AGMO: variants seen among roughly 807,000 people sequenced by gnomAD.
AGMO encodes the protein alkylglycerol monooxygenase, also known as glyceryl-ether monooxygenase.
In AGMO, 75 loss-of-function variants were observed where a neutral mutation model predicts 60.2. That is an observed-to-expected ratio of 1.25 (90% CI 1.03 to 1.51). The LOEUF (loss-of-function observed/expected upper bound fraction) is 1.51, where lower values mean the gene tolerates loss of function less well. Among genes scored for constraint, AGMO ranks in the 40% most tolerant of loss-of-function variants. The pLI is 0.00. For synonymous variants in AGMO, 261 were observed against 177.1 expected, an observed-to-expected ratio of 1.47 and a Z score of -3.76; for missense variants, 763 against 525.5, an observed-to-expected ratio of 1.45 and a Z score of -4.42.
intron 9 of AGMO, among the ~76,000 whole-genome samples, chr7:15,386,225 T>G (rs1783908424): frequency 6.6e-6 from 1 of 152,084 alleles, no homozygotes; most frequent in Admixed American, 6.6e-5. Flanking sequence ...GTGTAGGTAA[T>G]CATGCTTCAA....
chr7:15,327,801 G>A (rs966503422), intron 12 of AGMO, among the ~76,000 whole-genome samples: 4 of 144,330 alleles, frequency 2.8e-5, no homozygotes, highest in African/African-American at 1.1e-4. Flanking sequence ...AGGCTGCCAG[G>A]CTAGAGGGCA....
intron 12 of AGMO, among the ~76,000 whole-genome samples, chr7:15,327,528 C>A (rs781195731): frequency 1.7e-4 from 26 of 151,956 alleles, no homozygotes; most frequent in Non-Finnish European, 3.2e-4. Flanking sequence ...ATTAGGACCA[C>A]ACATCCATAA....
intron 3 of AGMO, among the ~76,000 whole-genome samples, chr7:15,540,748 T>A (rs1784603505): frequency 6.6e-6 from 1 of 152,234 alleles, no homozygotes; most frequent in Admixed American, 6.5e-5. Flanking sequence ...CTTGTATTGT[T>A]TTTCTAAATT....
At chr7:15,149,065 T>A in the AGMO span, among the ~76,000 whole-genome samples, 1 of 152,214 alleles carries the variant, frequency 6.6e-6, no homozygotes, top group Admixed American at 6.5e-5. Context: ...ATTTCCCTAA[T>A]GATTAGTGAT....
chr7:15,235,293 A>G (rs948700929), intron 12 of AGMO, among the ~76,000 whole-genome samples: 1 of 152,112 alleles, frequency 6.6e-6, no homozygotes, highest in African/African-American at 2.4e-5. Context: ...CTTAATGAAG[A>G]CAAAGACCTT....
chr7:15,261,563 T>A (rs1783271510), intron 12 of AGMO, among the ~76,000 whole-genome samples: 1 of 152,060 alleles, frequency 6.6e-6, no homozygotes. Context: ...CACAGCTGAA[T>A]TCTATCAGAT....
At chr7:15,342,715 T>G (rs1205883967) in intron 12 of AGMO, among the ~76,000 whole-genome samples, 2 of 142,734 alleles carry the variant, frequency 1.4e-5, no homozygotes, top group Non-Finnish European at 3.0e-5. Flanking sequence ...AACTGTCATC[T>G]CATTAATTTT....
At chr7:15,175,583 T>C in the AGMO span, among the ~76,000 whole-genome samples, 2 of 151,880 alleles carry the variant, frequency 1.3e-5, no homozygotes, top group African/African-American at 4.8e-5. Flanking sequence ...ATCCCTCTTC[T>C]TTTGTTTACA....
the AGMO span, among the ~76,000 whole-genome samples, chr7:15,177,767 T>A: frequency 6.6e-6 from 1 of 152,142 alleles, no homozygotes; most frequent in South Asian, 2.1e-4. Context: ...AGTTTTATAA[T>A]TCTAAGGTAA....
chr7:15,137,637 G>T, the AGMO span, among the ~76,000 whole-genome samples: 1 of 152,164 alleles, frequency 6.6e-6, no homozygotes, highest in African/African-American at 2.4e-5. Flanking sequence ...TAATGGATGG[G>T]TTGATTTTTT....
the AGMO span, among the ~76,000 whole-genome samples, chr7:15,181,347 C>A: frequency 6.6e-6 from 1 of 152,148 alleles, no homozygotes; most frequent in Non-Finnish European, 1.5e-5. Flanking sequence ...CTTCCTATTT[C>A]TATCAACTGA....
At chr7:15,271,633 C>T (rs1167178214) in intron 12 of AGMO, among the ~76,000 whole-genome samples, 2 of 152,074 alleles carry the variant, frequency 1.3e-5, no homozygotes, top group Non-Finnish European at 2.9e-5. Context: ...TTCACTTTCT[C>T]TTTTTCAATT....
chr7:15,242,732 T>TA (rs968018784), intron 12 of AGMO, among the ~76,000 whole-genome samples: 1 of 152,136 alleles, frequency 6.6e-6, no homozygotes, highest in African/African-American at 2.4e-5. Context: ...CACTGCTGAG[T>TA]AAAAAACTTC....
chr7:15,129,414 G>T, the AGMO span, among the ~76,000 whole-genome samples: 1 of 152,088 alleles, frequency 6.6e-6, no homozygotes, highest in East Asian at 1.9e-4. Context: ...AATATAGGAA[G>T]ATAATTCTAT....
At chr7:15,191,615 G>A in the AGMO span, among the ~76,000 whole-genome samples, 22 of 152,222 alleles carry the variant, frequency 1.4e-4, no homozygotes, top group East Asian at 2.3e-3. Flanking sequence ...GTAAGTCTTC[G>A]TCAAATTGAA....
At chr7:15,140,763 C>CT in the AGMO span, among the ~76,000 whole-genome samples, 4 of 151,996 alleles carry the variant, frequency 2.6e-5, no homozygotes, top group African/African-American at 9.7e-5. Context: ...TTTTTACATA[C>CT]TTTTTTGCTA....
chr7:15,386,185 A>G (rs566305939), intron 9 of AGMO, among the ~76,000 whole-genome samples: 7 of 73,340 alleles, frequency 9.5e-5, no homozygotes, highest in African/African-American at 3.3e-4. Context: ...AAAAAAAAGA[A>G]AAGAAAAGAA....
intron 10 of AGMO, 54 bp from the exon 11 acceptor site, chr7:15,366,276 A>T: frequency 7.2e-7 from 1 of 1,387,402 alleles, no homozygotes; most frequent in South Asian, 1.3e-5. Context: ...GTTAAAAGGT[A>T]CACGAACGGT....
chr7:15,160,136 G>T, the AGMO span, among the ~76,000 whole-genome samples: 1 of 152,148 alleles, frequency 6.6e-6, no homozygotes, highest in Non-Finnish European at 1.5e-5. Flanking sequence ...TCTCATACAT[G>T]TTGATATTTT....
Sources: gnomAD v4.1 joint callset for allele counts (sites outside exome capture counted in the v4.1 genomes callset) on GRCh38, gnomAD v4.1.1 for gene constraint, MANE v1.5 for transcripts, NCBI Gene and HGNC (gene_info 2026-07-23, HGNC 2026-07-21) for gene names.